Variants in ZRANB3 observed in about 807,000 individuals in gnomAD.
ZRANB3 encodes the protein zinc finger RANBP2-type containing 3.
Under a neutral mutation model 133.8 loss-of-function variants are expected in ZRANB3, and 125 were observed. That is an observed-to-expected ratio of 0.93 (90% CI 0.81 to 1.08). The LOEUF (loss-of-function observed/expected upper bound fraction) is 1.08, where lower values mean the gene tolerates loss of function less well. ZRANB3 is among the 50% of genes least tolerant of loss of function. The probability of loss-of-function intolerance (pLI) is 0.00; values close to 1 mark genes in which losing one functional copy is unlikely to be tolerated. For missense variants in ZRANB3, 1,229 were observed against 1,275.5 expected (o/e 0.96, Z 0.56); for synonymous variants, 387 against 432.7 (o/e 0.89, Z 1.31).
At chr2:135,488,185 C>T (rs1167159916) in intron 2 of ZRANB3, among the ~76,000 whole-genome samples, 2 of 152,074 alleles carry the variant, frequency 1.3e-5, no homozygotes, top group Non-Finnish European at 2.9e-5. Context: ...TAATATTTAT[C>T]CATTAGGTTC....
chr2:135,481,885 T>C (rs1259338111), intron 2 of ZRANB3, among the ~76,000 whole-genome samples: 1 of 147,728 alleles, frequency 6.8e-6, no homozygotes, highest in Non-Finnish European at 1.5e-5. Flanking sequence ...CCTTTCCCCA[T>C]TGCTTGTTTT....
At chr2:135,476,777 CACT>C (rs2104787064) in intron 2 of ZRANB3, among the ~76,000 whole-genome samples, 1 of 150,822 alleles carries the variant, frequency 6.6e-6, no homozygotes, top group Non-Finnish European at 1.5e-5. Context: ...GATCATGGCT[CACT>C]ACAGCCTTGA....
At chr2:135,445,674 G>A (rs554885462) in intron 2 of ZRANB3, among the ~76,000 whole-genome samples, 10 of 148,802 alleles carry the variant, frequency 6.7e-5, no homozygotes, top group East Asian at 2.1e-4. Flanking sequence ...TCAGGAGTTC[G>A]AGACCAGCCT....
intron 8 of ZRANB3, among the ~76,000 whole-genome samples, chr2:135,288,298 G>A (rs899955086): frequency 6.6e-6 from 1 of 152,036 alleles, no homozygotes; most frequent in Non-Finnish European, 1.5e-5. Context: ...TGATCATGGT[G>A]GATTATCTTT....
intron 12 of ZRANB3, among the ~76,000 whole-genome samples, chr2:135,233,365 C>T (rs1027825106): frequency 2.6e-5 from 4 of 152,344 alleles, no homozygotes; most frequent in African/African-American, 9.6e-5. Flanking sequence ...TTGGAAAACA[C>T]TCTGCAGGAT....
rs139309840 is a variant in ZRANB3, at chr2:135,361,457, G to A, written c.181-7829C>T. ...GTTTTATTCTATGAAATTATTAAGA[G>A]CAATTAAATAACAATTATCCTGATA... On this transcript the variant is annotated intron_variant, in intron 3 of 20. Coordinates refer to ENST00000264159, the MANE Select transcript of ZRANB3 (RefSeq NM_032143.4). Among the ~76,000 whole-genome samples the A allele has an allele frequency of 3.9e-4, 59 of 152,246 alleles. 1 individual carries two copies. In the East Asian group the frequency reaches 0.01, roughly 27 times the overall value.
At chr2:135,464,647 G>A (rs1160242410) in intron 2 of ZRANB3, among the ~76,000 whole-genome samples, 2 of 152,106 alleles carry the variant, frequency 1.3e-5, no homozygotes, top group African/African-American at 2.4e-5. Context: ...CTGCCACATC[G>A]GTATCTGTTA....
intron 19 of ZRANB3, 105 bp from the exon 20 acceptor site, chr2:135,203,068 G>T (rs1693690123): frequency 1.0e-5 from 14 of 1,353,032 alleles, no homozygotes; most frequent in Non-Finnish European, 1.2e-5. Context: ...AAATCATGGG[G>T]AAAAATACAT....
chr2:135,255,323 G>C (rs1469835789), intron 12 of ZRANB3, among the ~76,000 whole-genome samples: 2 of 152,046 alleles, frequency 1.3e-5, no homozygotes, highest in East Asian at 3.9e-4. Context: ...CAATCAAAAG[G>C]GGCCCAGTCA....
chr2:135,290,015 T>C lies in ZRANB3; in HGVS notation c.967-14260A>G, dbSNP rs534625265. Among the ~76,000 whole-genome samples, 4 of 152,372 alleles carry C rather than the reference T, an allele frequency of 2.6e-5. No individual in the cohort carries two copies. The South Asian group carries it at 8.3e-4, about 32-fold the overall frequency. ...CATGTGCTGATGAATATAATGTATA[T>C]TCTGTAGTTGTTGGGTAGAATGTTC... On this transcript the variant is annotated intron_variant, in intron 8 of 20. Coordinates refer to ENST00000264159, the MANE Select transcript of ZRANB3 (RefSeq NM_032143.4).
At chr2:135,332,055 C>T (rs1385330206) in intron 6 of ZRANB3, among the ~76,000 whole-genome samples, 1 of 151,924 alleles carries the variant, frequency 6.6e-6, no homozygotes, top group Non-Finnish European at 1.5e-5. Context: ...TGATAGCATT[C>T]ATTACATGTA....
At chr2:135,301,856 T>C (rs905809465) in intron 8 of ZRANB3, among the ~76,000 whole-genome samples, 2 of 152,184 alleles carry the variant, frequency 1.3e-5, no homozygotes, top group African/African-American at 2.4e-5. Context: ...CCCCAGTAGA[T>C]TGCAAGTTCC....
chr2:135,313,536 CTG>C lies in ZRANB3; in HGVS notation c.917_918del (p.Thr306SerfsTer10). 6.2e-7 allele frequency: 1 copy of C among 1,613,852 alleles called. No individual in the cohort carries two copies. ...AACATGCGAGTTATCAACCCCATGA[CTG>C]TCTCCATGGCACCTGAATTTGGAGT... is the stretch of plus-strand genomic sequence containing the variant. The part of the protein sequence containing the change: ...MRTPNSGAME[T>X]VMGLITRMFK... On this transcript the variant is annotated frameshift_variant, in exon 8 of 21. Coordinates refer to ENST00000264159, the MANE Select transcript of ZRANB3 (RefSeq NM_032143.4). LOFTEE classifies it high-confidence loss of function.
intron 17 of ZRANB3, among the ~76,000 whole-genome samples, chr2:135,217,096 A>G (rs947612846): frequency 5.3e-5 from 8 of 152,212 alleles, no homozygotes; most frequent in African/African-American, 1.9e-4. Context: ...CACGCACAGC[A>G]GGGCAAAGCA....
chr2:135,338,807 T>C lies in ZRANB3; in HGVS notation c.677+6743A>G, dbSNP rs145601113. On this transcript the variant is annotated intron_variant, in intron 6 of 20. Coordinates refer to ENST00000264159, the MANE Select transcript of ZRANB3 (RefSeq NM_032143.4). Reference sequence around the variant, plus strand: ...ATACATGTGCATATGTGTGTATGTGTATATCTATATGTTGTGTATTTAATA... The same window carrying C: ...ATACATGTGCATATGTGTGTATGTGCATATCTATATGTTGTGTATTTAATA... 1.3e-3 allele frequency among the ~76,000 whole-genome samples: 203 copies of C among 152,380 alleles called. 2 individuals carry two copies. Among genetic ancestry groups the C allele is most frequent in the African/African-American group, 4.3e-3 (180 of 41,588 alleles).
chr2:135,405,236 A>G (rs531977166), intron 2 of ZRANB3, among the ~76,000 whole-genome samples: 142 of 152,340 alleles, frequency 9.3e-4, no homozygotes, highest in African/African-American at 3.0e-3. Flanking sequence ...CCGTTACATA[A>G]TGGTAAAGGG....
At position 135,202,321 on chromosome 2, in the gene ZRANB3, T is replaced by A. The variant is rs1006172832; in HGVS notation, c.3141+511A>T. 4.6e-5 allele frequency: 7 copies of A among 152,292 alleles called. 1 individual carries two copies. The highest frequency in any genetic ancestry group is 8.8e-5 in the Non-Finnish European group (6 of 68,092). 9.4% of individuals were successfully genotyped at this position (152,292 alleles called of 1,614,324 possible). A position where few individuals can be genotyped will look rare whatever the true frequency, so the allele number is the denominator to read the frequency against. ...CCTGTAAAAAATTCATCCTGGTAGA[T>A]AAACAATAGTATGTGTTTTTTCCTC... On this transcript the variant is annotated intron_variant, in intron 20 of 20. Transcript: ENST00000264159.
intron 14 of ZRANB3, among the ~76,000 whole-genome samples, chr2:135,226,119 C>G (rs1338760074): frequency 6.6e-6 from 1 of 152,164 alleles, no homozygotes. Context: ...AGATCAGAAG[C>G]CATTCTTTGA....
intron 2 of ZRANB3, among the ~76,000 whole-genome samples, chr2:135,449,056 G>A (rs1256092771): frequency 6.6e-6 from 1 of 152,152 alleles, no homozygotes; most frequent in Middle Eastern, 3.2e-3. Flanking sequence ...GATTTCTGAA[G>A]CTGTCATAAA....
Sources: gnomAD v4.1 joint callset for allele counts (sites outside exome capture counted in the v4.1 genomes callset) on GRCh38, gnomAD v4.1.1 for gene constraint, MANE v1.5 for transcripts, NCBI Gene and HGNC (gene_info 2026-07-23, HGNC 2026-07-21) for gene names.